Variants in PARD3B observed in about 807,000 individuals in gnomAD.
PARD3B encodes partitioning defective 3 homolog B.
In PARD3B, 103 loss-of-function variants were observed where a neutral mutation model predicts 130.2. That is an observed-to-expected ratio of 0.79 (90% CI 0.67 to 0.93). PARD3B has a LOEUF of 0.93. Among genes scored for constraint, PARD3B ranks in the 40% least tolerant of loss-of-function variants. The probability of loss-of-function intolerance (pLI) is 0.00; values close to 1 mark genes in which losing one functional copy is unlikely to be tolerated. For missense variants in PARD3B, 1,609 were observed against 1,499.2 expected, an observed-to-expected ratio of 1.07 and a Z score of -1.21; for synonymous variants, 583 against 553.2, an observed-to-expected ratio of 1.05 and a Z score of -0.76.
At chr2:205,207,949 C>T (rs1172629673) in intron 15 of PARD3B, among the ~76,000 whole-genome samples, 2 of 114,276 alleles carry the variant, frequency 1.8e-5, no homozygotes, top group East Asian at 4.4e-4. Flanking sequence ...CCTTGATAAA[C>T]ATTGATGCAA....
intron 2 of PARD3B, among the ~76,000 whole-genome samples, chr2:204,924,879 G>T (rs896144063): frequency 6.6e-6 from 1 of 151,854 alleles, no homozygotes; most frequent in African/African-American, 2.4e-5. Context: ...ACTGTATATT[G>T]AGCAGGATTT....
intron 2 of PARD3B, among the ~76,000 whole-genome samples, chr2:204,838,283 A>G (rs2044128511): frequency 6.6e-6 from 1 of 151,726 alleles, no homozygotes; most frequent in Non-Finnish European, 1.5e-5. Flanking sequence ...CCTGGGTTCC[A>G]GTGACTCTCC....
intron 2 of PARD3B, among the ~76,000 whole-genome samples, chr2:204,814,545 T>A (rs2043076188): frequency 6.6e-6 from 1 of 151,968 alleles, no homozygotes; most frequent in Admixed American, 6.6e-5. Flanking sequence ...TAATCTCAAA[T>A]GAGTTTCATT....
At chr2:204,964,949 AC>A (rs1365702015) in intron 2 of PARD3B, among the ~76,000 whole-genome samples, 12 of 152,144 alleles carry the variant, frequency 7.9e-5, no homozygotes, top group Non-Finnish European at 1.8e-4. Context: ...AAATGAATAA[AC>A]CAGTATTTAT....
intron 2 of PARD3B, among the ~76,000 whole-genome samples, chr2:204,765,913 T>G (rs2041123868): frequency 6.6e-6 from 1 of 152,188 alleles, no homozygotes; most frequent in Admixed American, 6.6e-5. Flanking sequence ...GCCTAGCTAG[T>G]GCAGTTAGTA....
At chr2:204,581,111 A>G (rs1277149691) in intron 1 of PARD3B, among the ~76,000 whole-genome samples, 3 of 152,216 alleles carry the variant, frequency 2.0e-5, no homozygotes, top group African/African-American at 7.2e-5. Context: ...AGACTATTAC[A>G]GGCATGAAGC....
At chr2:204,609,249 A>G in intron 1 of PARD3B, among the ~76,000 whole-genome samples, 1 of 152,212 alleles carries the variant, frequency 6.6e-6, no homozygotes, top group Non-Finnish European at 1.5e-5. Flanking sequence ...ATCCCAAAAT[A>G]TTTTGCTACA....
At chr2:205,222,817 C>T (rs1341144813) in intron 15 of PARD3B, among the ~76,000 whole-genome samples, 1 of 151,752 alleles carries the variant, frequency 6.6e-6, no homozygotes, top group Non-Finnish European at 1.5e-5. Context: ...AATGAGGTTT[C>T]CTAGGAGCAA....
chr2:204,634,963 A>G (rs532568756), intron 1 of PARD3B, among the ~76,000 whole-genome samples: 2 of 152,340 alleles, frequency 1.3e-5, no homozygotes, highest in East Asian at 1.9e-4. Flanking sequence ...GGCAAATTTA[A>G]TACTTCATCC....
chr2:205,317,673 A>G (rs1169756605), intron 18 of PARD3B, among the ~76,000 whole-genome samples: 2 of 152,160 alleles, frequency 1.3e-5, no homozygotes, highest in Non-Finnish European at 2.9e-5. Flanking sequence ...CTTTGTTTAC[A>G]TGCCAGTGTA....
chr2:204,669,632 T>A lies in PARD3B; in HGVS notation c.121-16549T>A, dbSNP rs906726700. On this transcript the variant is annotated intron_variant, in intron 1 of 22. Coordinates refer to ENST00000406610, the MANE Select transcript of PARD3B (RefSeq NM_001302769.2). This position sits in a 1 kb window ranked among gnomAD's most constrained non-coding sequence, Gnocchi z 4.3. ...GGGAACACTATTTCCTTGGTTGCAA[T>A]AAATGTCCATACTGTCTATTGGTTT... 1.3e-5 allele frequency among the ~76,000 whole-genome samples: 2 copies of A among 152,182 alleles called. No individual in the cohort carries two copies. The highest frequency in any genetic ancestry group is 4.8e-5 in the African/African-American group (2 of 41,456).
At chr2:205,289,019 T>C (rs2041505520) in intron 16 of PARD3B, among the ~76,000 whole-genome samples, 1 of 152,186 alleles carries the variant, frequency 6.6e-6, no homozygotes, top group Non-Finnish European at 1.5e-5. Flanking sequence ...CATGGGTTAG[T>C]CTGATGGAGA....
At chr2:204,569,237 G>A (rs751095126) in intron 1 of PARD3B, among the ~76,000 whole-genome samples, 9 of 152,070 alleles carry the variant, frequency 5.9e-5, no homozygotes, top group East Asian at 3.9e-4. Context: ...ATCTCCATGC[G>A]TATAGCTCTT....
intron 2 of PARD3B, among the ~76,000 whole-genome samples, chr2:204,725,583 A>G (rs1021373465): frequency 1.3e-5 from 2 of 152,132 alleles, no homozygotes; most frequent in East Asian, 3.9e-4. Context: ...TTTGACATCC[A>G]CTCGTCATCT....
At chr2:205,409,467 T>A (rs1316671212) in intron 19 of PARD3B, among the ~76,000 whole-genome samples, 1 of 152,108 alleles carries the variant, frequency 6.6e-6, no homozygotes, top group Non-Finnish European at 1.5e-5. Flanking sequence ...TTCTCAGAAA[T>A]GCTTGCGGTC....
intron 2 of PARD3B, among the ~76,000 whole-genome samples, chr2:204,761,451 G>A (rs1468360139): frequency 1.3e-4 from 20 of 152,126 alleles, no homozygotes; most frequent in Non-Finnish European, 1.5e-5. Flanking sequence ...CAGTCCTTAA[G>A]CTGTGTGGCT....
rs2105814329 is a variant in PARD3B, at chr2:205,618,506, C to T, written c.*2693C>T. 1 of 152,306 alleles carries T rather than the reference C, an allele frequency of 6.6e-6. No homozygotes were observed. The highest frequency in any genetic ancestry group is 2.1e-4 in the South Asian group (1 of 4,820). 9.4% of individuals were successfully genotyped at this position (152,306 alleles called of 1,614,324 possible). A position where few individuals can be genotyped will look rare whatever the true frequency, so the allele number is the denominator to read the frequency against. The stretch of plus-strand genomic sequence containing the variant: ...ATTTATGGCCTTGGGAAAACTCAAT[C>T]CGGTGTCTCCTTGTAGCTCAGAACA... On this transcript the variant is annotated 3_prime_UTR_variant, in exon 23 of 23. Transcript: ENST00000406610.
chr2:205,172,840 C>T (rs1014945666), intron 12 of PARD3B, among the ~76,000 whole-genome samples: 9 of 152,224 alleles, frequency 5.9e-5, no homozygotes, highest in African/African-American at 2.2e-4. Flanking sequence ...ATTAAACAAG[C>T]TGCTTGCTCA....
rs2054132844 is a variant in PARD3B, at chr2:205,584,761, T to C, written c.3261-30695T>C. Among the ~76,000 whole-genome samples, 1 of 152,204 alleles carries C rather than the reference T, an allele frequency of 6.6e-6. No individual in the cohort carries two copies. The highest frequency in any genetic ancestry group is 6.5e-5 in the Admixed American group (1 of 15,268). ...CCTGGGGCAGCAATGCTGTAGACTG[T>C]CAAAGAGGCTCCATCTATAAATGGT... On this transcript the variant is annotated intron_variant, in intron 22 of 22. Transcript: ENST00000406610. This position sits in a 1 kb window ranked among gnomAD's most constrained non-coding sequence, Gnocchi z 5.5.
Sources: allele counts gnomAD v4.1 joint callset (sites outside exome capture counted in the v4.1 genomes callset), GRCh38; gene constraint gnomAD v4.1.1; non-coding constraint Gnocchi (gnomAD v3.1); transcripts MANE v1.5; gene names NCBI Gene and HGNC (gene_info 2026-07-23, HGNC 2026-07-21).